The following TRAPPC8 variants were observed in gnomAD, a reference collection of about 807,000 sequenced individuals.
The protein encoded by TRAPPC8 is trafficking protein particle complex subunit 8, also known as general sporulation gene 1 homolog.
TRAPPC8 carries 54 observed loss-of-function variants against 174.3 expected under a neutral mutation model. The observed-to-expected ratio is 0.31, with a 90% CI of 0.25 to 0.39. The LOEUF (loss-of-function observed/expected upper bound fraction) is 0.39, where lower values mean the gene tolerates loss of function less well. Ranked by LOEUF, TRAPPC8 falls within the 10% of genes least tolerant of loss-of-function variation. The pLI, the probability that TRAPPC8 is intolerant of heterozygous loss-of-function variation, is 1.00. For missense variants in TRAPPC8, 1,531 were observed against 1,699.1 expected (o/e 0.90, Z 1.74); for synonymous variants, 630 against 579.9 (o/e 1.09, Z -1.24).
intron 2 of TRAPPC8, among the ~76,000 whole-genome samples, chr18:31,923,811 G>C (rs1002190453): frequency 1.3e-5 from 2 of 151,494 alleles, no homozygotes; most frequent in Non-Finnish European, 2.9e-5. Flanking sequence ...CCAGGAGTTC[G>C]AGACCACTCT....
chr18:31,866,319 A>G (rs971908981), intron 18 of TRAPPC8, among the ~76,000 whole-genome samples: 3 of 152,150 alleles, frequency 2.0e-5, no homozygotes, highest in Non-Finnish European at 4.4e-5. Flanking sequence ...TTAAATGCAC[A>G]TATCGTGTAG....
chr18:31,909,695 T>G lies in TRAPPC8; in HGVS notation c.837A>C (p.Ser279=). 6.2e-7 allele frequency: 1 copy of G among 1,601,498 alleles called. No homozygotes were observed. The highest frequency in any genetic ancestry group is 8.5e-7 in the Non-Finnish European group (1 of 1,176,630). Residue 279 remains serine (S), a synonymous_variant, in exon 6 of 29, where the codon TCA becomes TCC. Transcript: ENST00000283351. ...TGACTTCGTTATCTAATCCATCCAA[T>G]GAAAGCAAGTTATTATCAGAATTCT... ...SNKNSDNNLL[S]LDGLDNEVKD... is the part of the protein sequence containing the mutation.
At chr18:31,837,606 G>A (rs555471787) in intron 27 of TRAPPC8, among the ~76,000 whole-genome samples, 5 of 152,196 alleles carry the variant, frequency 3.3e-5, no homozygotes, top group South Asian at 2.1e-4. Flanking sequence ...GCTGAGGCAC[G>A]AGAATCACTT....
At chr18:31,938,343 TAATA>T (rs1301795104) in intron 1 of TRAPPC8, among the ~76,000 whole-genome samples, 2 of 151,406 alleles carry the variant, frequency 1.3e-5, no homozygotes, top group Non-Finnish European at 2.9e-5. Context: ...AAAATACATA[TAATA>T]AATTTAATTA....
intron 5 of TRAPPC8, among the ~76,000 whole-genome samples, chr18:31,910,181 T>C (rs1015106277): frequency 1.3e-5 from 2 of 152,144 alleles, no homozygotes; most frequent in Non-Finnish European, 2.9e-5. Flanking sequence ...TGGGTCACAG[T>C]GTAAGCAGGT....
chr18:31,875,924 T>TA lies in TRAPPC8; in HGVS notation c.1729-1221dup, dbSNP rs1329454742. The stretch of plus-strand genomic sequence containing the variant: ...ACCAAAGGCCAGGGAGAGTGGGTGA[T>TA]AGAGAATGAAGTTGATTAATGGGTA... On this transcript the variant is annotated intron_variant, in intron 12 of 28. Coordinates refer to ENST00000283351, the MANE Select transcript of TRAPPC8 (RefSeq NM_014939.5). Among the ~76,000 whole-genome samples the TA allele has an allele frequency of 3.9e-5, 6 of 152,050 alleles. No individual in the cohort carries two copies. In the East Asian group the frequency reaches 9.7e-4, roughly 25 times the overall value.
At position 31,853,873 on chromosome 18, in the gene TRAPPC8, A is replaced by T; in HGVS notation, c.3409T>A (p.Ser1137Thr). Residue 1137 changes from serine (S) to threonine (T), a missense_variant, in exon 22 of 29, where the codon TCT becomes ACT. Ser to Thr is a moderately conservative substitution (Grantham distance 58). Transcript: ENST00000283351. The part of the protein sequence containing the change: ...SSSKHWKLQK[S>T]VNLSENKDTK... Reference sequence around the variant, plus strand: ...CCTTTGTTTTCAGAAAGATTTACAGATTTCTGTAACTTCCAGTGTTTGCTA... The same window carrying T: ...CCTTTGTTTTCAGAAAGATTTACAGTTTTCTGTAACTTCCAGTGTTTGCTA... The T allele has an allele frequency of 6.2e-7, 1 of 1,610,126 alleles. No individual in the cohort carries two copies. Among genetic ancestry groups the T allele is most frequent in the Non-Finnish European group, 8.5e-7 (1 of 1,179,242 alleles).
intron 12 of TRAPPC8, among the ~76,000 whole-genome samples, chr18:31,880,890 A>G (rs1457535325): frequency 6.6e-6 from 1 of 152,106 alleles, no homozygotes. Context: ...TAAGAACTCA[A>G]TCCCATTTAC....
At chr18:31,838,546 G>T (rs2032907484) in intron 27 of TRAPPC8, among the ~76,000 whole-genome samples, 1 of 152,098 alleles carries the variant, frequency 6.6e-6, no homozygotes, top group African/African-American at 2.4e-5. Flanking sequence ...TTTCTTGAAA[G>T]GATGGTCAAC....
chr18:31,836,758 C>G (rs1002504123), intron 27 of TRAPPC8, among the ~76,000 whole-genome samples: 2 of 89,872 alleles, frequency 2.2e-5, no homozygotes, highest in Non-Finnish European at 4.3e-5. Flanking sequence ...ATCTTTCAGT[C>G]TTTTTTTTTT....
intron 11 of TRAPPC8, among the ~76,000 whole-genome samples, chr18:31,893,829 TACAC>T (rs201717857): frequency 6.6e-6 from 1 of 151,892 alleles, no homozygotes; most frequent in Non-Finnish European, 1.5e-5. Flanking sequence ...CATGCATACA[TACAC>T]ACACACGAAA....
At position 31,830,445 on chromosome 18, in the gene TRAPPC8, G is replaced by A. The variant is rs879662459; in HGVS notation, c.*310C>T. ...CATCTCCTAATATTCGTATACCATT[G>A]ACAAGTTGTAACAGCAGACTTAGAC... On this transcript the variant is annotated 3_prime_UTR_variant, in exon 29 of 29. Transcript: ENST00000283351. 5.2e-5 allele frequency: 14 copies of A among 270,858 alleles called. No individual in the cohort carries two copies. In the Admixed American group the frequency reaches 6.6e-4, roughly 13 times the overall value. 16.8% of individuals were successfully genotyped at this position (270,858 alleles called of 1,614,324 possible).
At chr18:31,894,788 A>AT (rs2036115367) in intron 11 of TRAPPC8, among the ~76,000 whole-genome samples, 1 of 152,198 alleles carries the variant, frequency 6.6e-6, no homozygotes, top group South Asian at 2.1e-4. Context: ...TAAATTTCCC[A>AT]TAAGACCAGT....
At chr18:31,887,838 C>T (rs183057055) in intron 12 of TRAPPC8, among the ~76,000 whole-genome samples, 12 of 152,030 alleles carry the variant, frequency 7.9e-5, no homozygotes, top group Admixed American at 7.2e-4. Context: ...TAGTATTGGA[C>T]GTTCTGGCCA....
intron 12 of TRAPPC8, among the ~76,000 whole-genome samples, chr18:31,877,117 T>C (rs1275047608): frequency 1.3e-5 from 2 of 152,108 alleles, no homozygotes; most frequent in African/African-American, 4.8e-5. Flanking sequence ...AAGCCCCACC[T>C]TGAGACAAAG....
At chr18:31,864,333 A>G (rs1484942359) in intron 19 of TRAPPC8, among the ~76,000 whole-genome samples, 2 of 151,924 alleles carry the variant, frequency 1.3e-5, no homozygotes, top group African/African-American at 4.8e-5. Context: ...ATTATTTTTT[A>G]TAACTTATGA....
chr18:31,886,344 GGAAAAAAAAAA>G lies in TRAPPC8; in HGVS notation c.1728+4380_1728+4390del, dbSNP rs1432318279. On this transcript the variant is annotated intron_variant, in intron 12 of 28. Coordinates refer to ENST00000283351, the MANE Select transcript of TRAPPC8 (RefSeq NM_014939.5). ...TTAATTTTTAAGTGATGTTTCTTGA[GGAAAAAAAAAA>G]AAAAAAAAAAAGGCAACCCTATCTT... is the stretch of plus-strand genomic sequence containing the variant. 5.6e-3 allele frequency among the ~76,000 whole-genome samples: 396 copies of G among 71,262 alleles called. 4 individuals are homozygous for G. Among genetic ancestry groups the G allele is most frequent in the African/African-American group, 0.019 (359 of 18,844 alleles). 46.8% of individuals were successfully genotyped at this position (71,262 alleles called of 152,430 possible).
At position 31,832,098 on chromosome 18, in the gene TRAPPC8, C is replaced by A; in HGVS notation, c.4059G>T (p.Arg1353=). 2 of 1,544,848 alleles carry A rather than the reference C, an allele frequency of 1.3e-6. No homozygotes were observed. Among genetic ancestry groups the A allele is most frequent in the Admixed American group, 2.2e-5 (1 of 45,658 alleles). Residue 1353 remains arginine, a synonymous_variant, in exon 28 of 29, where the codon CGG becomes CGT. Coordinates refer to ENST00000283351, the MANE Select transcript of TRAPPC8 (RefSeq NM_014939.5). The part of the protein sequence containing the change: ...KADVDVIVDL[R]HKTTSPEALE... ...CAAATCTTTACCTTGTTGTTTTATG[C>A]CGAAGATCAACTATGACATCTACAT... is the stretch of plus-strand genomic sequence containing the variant.
intron 16 of TRAPPC8, 56 bp downstream of exon 16, chr18:31,870,316 C>A: frequency 6.7e-7 from 1 of 1,502,414 alleles, no homozygotes; most frequent in Non-Finnish European, 9.0e-7. Flanking sequence ...AATGTTACTA[C>A]AGCATTTGTT....
Sources: allele counts gnomAD v4.1 joint callset (sites outside exome capture counted in the v4.1 genomes callset), GRCh38; gene constraint gnomAD v4.1.1; transcripts MANE v1.5; gene names NCBI Gene and HGNC (gene_info 2026-07-23, HGNC 2026-07-21).